The following ACOT12 variants were observed in gnomAD, a reference collection of about 807,000 sequenced individuals.
ACOT12 encodes acetyl-coenzyme A thioesterase.
A neutral mutation model predicts 67.7 loss-of-function variants in ACOT12; 51 were observed. The observed-to-expected ratio is 0.75, with a 90% CI of 0.60 to 0.95. The LOEUF (loss-of-function observed/expected upper bound fraction) is 0.95. Ranked by LOEUF, ACOT12 falls within the 40% of genes least tolerant of loss-of-function variation. The probability of loss-of-function intolerance (pLI) is 0.00; values close to 1 mark genes in which losing one functional copy is unlikely to be tolerated. For missense variants in ACOT12, 734 were observed against 708.1 expected (o/e 1.04, Z -0.41); for synonymous variants, 251 against 244.6 (o/e 1.03, Z -0.24).
At chr5:81,338,925 A>G (rs574106019) in intron 11 of ACOT12, among the ~76,000 whole-genome samples, 72 of 152,290 alleles carry the variant, frequency 4.7e-4, no homozygotes, top group African/African-American at 1.7e-3. Flanking sequence ...TACTGAAAAC[A>G]CAAAAATTAT....
intron 3 of ACOT12, 107 bp downstream of exon 3, chr5:81,371,643 G>C: frequency 9.1e-7 from 1 of 1,099,276 alleles, no homozygotes; most frequent in Non-Finnish European, 1.4e-6. Flanking sequence ...TTCTGAAATA[G>C]AGAATCTCAC....
chr5:81,332,932 G>C (rs1758876415), intron 12 of ACOT12, among the ~76,000 whole-genome samples: 1 of 151,934 alleles, frequency 6.6e-6, no homozygotes, highest in Non-Finnish European at 1.5e-5. Context: ...ATTTGAGTGT[G>C]GTGGTGCATG....
intron 4 of ACOT12, among the ~76,000 whole-genome samples, chr5:81,363,537 T>A (rs1013740732): frequency 6.6e-6 from 1 of 152,156 alleles, no homozygotes; most frequent in African/African-American, 2.4e-5. Context: ...TTTAAAACAA[T>A]GTGGATTTTT....
Position 81,393,420 on chromosome 5 carries a change from G to T in ACOT12, c.127+568C>A, listed in dbSNP as rs116253134. Among the ~76,000 whole-genome samples, 523 of 152,212 alleles carry T rather than the reference G, an allele frequency of 3.4e-3. 2 individuals carry two copies. Among genetic ancestry groups the T allele is most frequent in the African/African-American group, 0.011 (454 of 41,514 alleles). ...ACATAAACAAAAGCTGCCTGGGTGC[G>T]GTGGCTCATGCCTGTAATCCCAACA... On this transcript the variant is annotated intron_variant, in intron 1 of 14. Transcript: ENST00000307624.
rs1759850564 is a variant in ACOT12, at chr5:81,359,941, G to T, written c.458C>A (p.Thr153Asn). 5 of 1,611,268 alleles carry T rather than the reference G, an allele frequency of 3.1e-6. No homozygotes were observed. The highest frequency in any genetic ancestry group is 2.2e-5 in the East Asian group (1 of 44,760). Residue 153 changes from threonine (T) to asparagine (N), a missense_variant, in exon 5 of 15, where the codon ACC (threonine) becomes AAC (asparagine). By Grantham distance (65) the Thr-to-Asn change is moderately conservative. Coordinates refer to ENST00000307624, the MANE Select transcript of ACOT12 (RefSeq NM_130767.3). The stretch of plus-strand genomic sequence containing the variant: ...ACTTTCCTTCATTAAATTGTTAAAG[G>T]TATCTTCATGTTGTAATCGAACTTT... ...RRKVRLQHED[T>N]FNNLMKESSK...
At chr5:81,379,741 A>G (rs188653261) in intron 2 of ACOT12, among the ~76,000 whole-genome samples, 3 of 152,286 alleles carry the variant, frequency 2.0e-5, no homozygotes, top group Middle Eastern at 6.8e-3. Context: ...CATAGTAGAG[A>G]GGCTTGTTCA....
intron 6 of ACOT12, 86 bp from the exon 7 acceptor site, chr5:81,346,090 A>G: frequency 6.5e-7 from 1 of 1,547,026 alleles, no homozygotes; most frequent in South Asian, 1.2e-5. Context: ...TCAAATAAGC[A>G]TTTCTTTAAA....
At chr5:81,331,773 T>C (rs995477451) in intron 13 of ACOT12, among the ~76,000 whole-genome samples, 6 of 152,240 alleles carry the variant, frequency 3.9e-5, no homozygotes, top group African/African-American at 1.4e-4. Context: ...AAATATCATT[T>C]TACAAATATT....
chr5:81,376,121 G>GA (rs1180602409), intron 2 of ACOT12, among the ~76,000 whole-genome samples: 1 of 151,982 alleles, frequency 6.6e-6, no homozygotes, highest in African/African-American at 2.4e-5. Context: ...CAAAAGAACG[G>GA]AAATCATAAC....
At position 81,363,429 on chromosome 5, in the gene ACOT12, G is replaced by T. The variant is rs111319343; in HGVS notation, c.360+359C>A. Among the ~76,000 whole-genome samples the T allele has an allele frequency of 1.9e-3, 293 of 152,256 alleles. 2 individuals are homozygous for T. Among genetic ancestry groups the T allele is most frequent in the African/African-American group, 6.6e-3 (275 of 41,552 alleles). On this transcript the variant is annotated intron_variant, in intron 4 of 14. Coordinates refer to ENST00000307624, the MANE Select transcript of ACOT12 (RefSeq NM_130767.3). ...AATTGCTCTTGCTTTTTTAAAAAAA[G>T]ATTTTATTTTAAGTCAATTTTGAGT...
At chr5:81,323,490 T>C in the ACOT12 span, among the ~76,000 whole-genome samples, 2 of 152,250 alleles carry the variant, frequency 1.3e-5, no homozygotes, top group African/African-American at 2.4e-5. Flanking sequence ...GGAAAGTCCA[T>C]TGCAAAAATA....
intron 1 of ACOT12, among the ~76,000 whole-genome samples, chr5:81,391,853 A>C (rs919009204): frequency 6.6e-6 from 1 of 152,212 alleles, no homozygotes; most frequent in Non-Finnish European, 1.5e-5. Flanking sequence ...TGAAGTGAGA[A>C]GTAAGGTGGA....
intron 4 of ACOT12, among the ~76,000 whole-genome samples, chr5:81,362,234 T>C (rs1385739283): frequency 6.6e-6 from 1 of 151,250 alleles, no homozygotes; most frequent in Admixed American, 6.6e-5. Context: ...GGCACAATCT[T>C]GGCTCACCGC....
At chr5:81,370,027 G>A (rs192688988) in intron 3 of ACOT12, among the ~76,000 whole-genome samples, 32 of 152,240 alleles carry the variant, frequency 2.1e-4, no homozygotes, top group African/African-American at 6.7e-4. Flanking sequence ...GCCTGTGATC[G>A]ATCCTAGCAC....
At chr5:81,316,045 A>G in the ACOT12 span, among the ~76,000 whole-genome samples, 596 of 152,362 alleles carry the variant, frequency 3.9e-3, 4 homozygotes, top group African/African-American at 0.013. Flanking sequence ...TAGTAGGCCC[A>G]TAATATGTAT....
At chr5:81,325,536 G>A (rs902870772), downstream of ACOT12, among the ~76,000 whole-genome samples, 2 of 152,120 alleles carry the variant, frequency 1.3e-5, no homozygotes, top group African/African-American at 4.8e-5. Flanking sequence ...ATGGACCACG[G>A]AATCTAAGCC....
intron 11 of ACOT12, among the ~76,000 whole-genome samples, chr5:81,339,471 A>G (rs770832621): frequency 2.0e-5 from 3 of 152,206 alleles, no homozygotes; most frequent in Admixed American, 6.5e-5. Context: ...CTCCTACTCA[A>G]TGCTAATTTC....
chr5:81,310,501 G>C, the ACOT12 span, among the ~76,000 whole-genome samples: 3 of 152,072 alleles, frequency 2.0e-5, no homozygotes, highest in African/African-American at 7.2e-5. Flanking sequence ...AATTCAGCCA[G>C]ATTTGTATCT....
Position 81,383,475 on chromosome 5 carries a change from G to A in ACOT12, c.197+2282C>T, listed in dbSNP as rs1391823481. ...GAACACATTAATCAAGGCTACAGTG[G>A]ATGTAAATTCTATAAAACAAATGAC... On this transcript the variant is annotated intron_variant, in intron 2 of 14. Coordinates refer to ENST00000307624, the MANE Select transcript of ACOT12 (RefSeq NM_130767.3). Among the ~76,000 whole-genome samples the A allele has an allele frequency of 1.4e-4, 21 of 152,186 alleles. 1 individual carries two copies. The highest frequency in any genetic ancestry group is 1.5e-5 in the Non-Finnish European group (1 of 68,042).
Sources: allele counts gnomAD v4.1 joint callset (sites outside exome capture counted in the v4.1 genomes callset), GRCh38; gene constraint gnomAD v4.1.1; transcripts MANE v1.5; gene names NCBI Gene and HGNC (gene_info 2026-07-23, HGNC 2026-07-21).